RGMB: variants seen among roughly 807,000 people sequenced by gnomAD.
RGMB encodes the protein repulsive guidance molecule B.
In RGMB, 16 loss-of-function variants were observed where a neutral mutation model predicts 26.9. The ratio of observed to expected loss-of-function variants is 0.60; its 90% CI spans 0.40 to 0.90. The LOEUF (loss-of-function observed/expected upper bound fraction) is 0.90. Among genes scored for constraint, RGMB ranks in the 40% least tolerant of loss-of-function variants. The pLI is 0.00. For synonymous variants in RGMB, 225 were observed against 229.3 expected, an observed-to-expected ratio of 0.98 and a Z score of 0.17; for missense variants, 512 against 573.3, an observed-to-expected ratio of 0.89 and a Z score of 1.09.
chr5:98,776,017 A>G (rs545329151), intron 1 of RGMB, among the ~76,000 whole-genome samples: 72 of 152,344 alleles, frequency 4.7e-4, no homozygotes, highest in African/African-American at 1.6e-3. Flanking sequence ...GATCCTTATC[A>G]TCTGCCTCAG....
rs201453512 is a variant in RGMB at position 98,775,807 on chromosome 5, G to A, written c.136+1601G>A. 3.9e-5 allele frequency among the ~76,000 whole-genome samples: 6 copies of A among 152,210 alleles called. No individual in the cohort carries two copies. The East Asian group carries it at 7.7e-4, about 19-fold the overall frequency. On this transcript the variant is annotated intron_variant, in intron 1 of 2. Transcript: ENST00000513185. The stretch of plus-strand genomic sequence containing the variant: ...CTCATTTAAGTCACCATTAGATTCA[G>A]CCCAACAATGTGGTAAGCGATTTCT...
At chr5:98,792,771 TAAAAAAAAAAAAA>T (rs5869833) in intron 2 of RGMB, 6 of 122,006 alleles carry the variant, frequency 4.9e-5, no homozygotes, top group Non-Finnish European at 8.4e-5. Flanking sequence ...CCCTGTCACT[TAAAAAAAAAAAAA>T]AAAAAAAACC....
intron 2 of RGMB, among the ~76,000 whole-genome samples, chr5:98,782,249 T>TAGTATGAC (rs1286777881): frequency 6.6e-6 from 1 of 152,200 alleles, no homozygotes; most frequent in African/African-American, 2.4e-5. Flanking sequence ...GTCTCAATAC[T>TAGTATGAC]AGTATGACGT....
At chr5:98,779,431 A>G (rs1039827888) in intron 1 of RGMB, 149 bp from the exon 2 acceptor site, 4 of 706,648 alleles carry the variant, frequency 5.7e-6, no homozygotes, top group African/African-American at 5.4e-5. Context: ...CAGGAACACA[A>G]TGAAACCCTG....
At position 98,793,228 on chromosome 5, in the gene RGMB, G is replaced by A; in HGVS notation, c.789G>A (p.Arg263=). 1 of 1,614,026 alleles carries A rather than the reference G, an allele frequency of 6.2e-7. No individual in the cohort carries two copies. The highest frequency in any genetic ancestry group is 8.5e-7 in the Non-Finnish European group (1 of 1,179,902). ...SDAKSLRIVE[R]ESGHYVEMHA... ...CCAAGAGCCTGCGTATCGTGGAAAG[G>A]GAGAGTGGCCACTATGTGGAGATGC... Residue 263 remains arginine (R), a synonymous_variant, in exon 3 of 3, where the codon AGG becomes AGA. Transcript: ENST00000513185.
intron 2 of RGMB, chr5:98,780,332 G>A (rs1746556884): frequency 2.3e-6 from 1 of 433,658 alleles, no homozygotes; most frequent in Non-Finnish European, 4.0e-6. Flanking sequence ...CAGTGAAATT[G>A]AGTTCTCCAG....
At chr5:98,786,953 A>T (rs1380096368) in intron 2 of RGMB, among the ~76,000 whole-genome samples, 1 of 152,180 alleles carries the variant, frequency 6.6e-6, no homozygotes, top group African/African-American at 2.4e-5. Flanking sequence ...CACAGCATGT[A>T]TACTGTGAAT....
chr5:98,770,870 C>G (rs1444020126), upstream of RGMB: 1 of 406,784 alleles, frequency 2.5e-6, no homozygotes, highest in African/African-American at 2.1e-5. Flanking sequence ...CGGGCTATTT[C>G]AGCCGCTGCT....
upstream of RGMB, chr5:98,770,674 G>GT: frequency 6.8e-7 from 1 of 1,464,308 alleles, no homozygotes; most frequent in South Asian, 1.5e-5. Flanking sequence ...TAAGAATGAT[G>GT]TAAGTACAGG....
chr5:98,789,864 A>G (rs2545729), intron 2 of RGMB, among the ~76,000 whole-genome samples: 35,038 of 152,168 alleles, frequency 0.23, 5,463 homozygotes, highest in African/African-American at 0.44. Context: ...AGCATAGCTA[A>G]CGTTTTTAAA....
intron 1 of RGMB, among the ~76,000 whole-genome samples, chr5:98,777,498 G>C (rs1246184679): frequency 6.6e-6 from 1 of 152,158 alleles, no homozygotes; most frequent in African/African-American, 2.4e-5. Context: ...GAGGAGACGT[G>C]ACCTGTGATG....
chr5:98,790,252 T>C (rs1048162394), intron 2 of RGMB, among the ~76,000 whole-genome samples: 4 of 152,226 alleles, frequency 2.6e-5, no homozygotes, highest in African/African-American at 9.6e-5. Flanking sequence ...GGAAACCCAC[T>C]CATGCTTTAC....
Position 98,795,694 on chromosome 5 carries a change from T to C in RGMB, c.*1941T>C, listed in dbSNP as rs138500581. 4.6e-5 allele frequency: 7 copies of C among 152,330 alleles called. No individual in the cohort carries two copies. The highest frequency in any genetic ancestry group is 3.9e-4 in the Admixed American group (6 of 15,304). The allele number at this position is 152,330 out of a possible 1,614,324, so 9.4% of individuals were successfully genotyped here. On this transcript the variant is annotated 3_prime_UTR_variant, in exon 3 of 3. Coordinates refer to ENST00000513185, the MANE Select transcript of RGMB (RefSeq NM_001366508.1). ...AACTGTGGCTTTTTTTGTTCACCTATGATGCCATGTACCAAATTCAGAAGC... is the reference window on the plus strand; with the variant it reads ...AACTGTGGCTTTTTTTGTTCACCTACGATGCCATGTACCAAATTCAGAAGC...
At chr5:98,777,829 T>G (rs1181209281) in intron 1 of RGMB, among the ~76,000 whole-genome samples, 1 of 152,206 alleles carries the variant, frequency 6.6e-6, no homozygotes, top group Non-Finnish European at 1.5e-5. Context: ...ACTTTTTTTT[T>G]GAAAGTATGA....
In RGMB at chr5:98,773,866, C is replaced by CGCT. The variant is rs1746272968; in HGVS notation, c.-199_-197dup. 2.0e-6 allele frequency: 1 copy of CGCT among 502,650 alleles called. No individual in the cohort carries two copies. The highest frequency in any genetic ancestry group is 3.1e-5 in the South Asian group (1 of 32,470). The allele number at this position is 502,650 out of a possible 1,614,324, so 31.1% of individuals were successfully genotyped here. ...CGGCCGCCACGATGCCCCTGCGCCC[C>CGCT]GCTGCTGCCGCCGCGGACTGGCTGC... On this transcript the variant is annotated 5_prime_UTR_variant, in exon 1 of 3. Coordinates refer to ENST00000513185, the MANE Select transcript of RGMB (RefSeq NM_001366508.1).
At chr5:98,769,112 A>G (rs1333345871), upstream of RGMB, among the ~76,000 whole-genome samples, 2 of 151,932 alleles carry the variant, frequency 1.3e-5, no homozygotes, top group African/African-American at 4.8e-5. Context: ...TGCAAGATTG[A>G]GTGTGGTGGG....
chr5:98,770,716 T>A, upstream of RGMB: 1 of 1,271,314 alleles, frequency 7.9e-7, no homozygotes, highest in Non-Finnish European at 1.0e-6. Context: ...CGCTTGGCCC[T>A]CTTCCAAGTT....
chr5:98,774,587 C>T (rs1278184326), intron 1 of RGMB, among the ~76,000 whole-genome samples: 1 of 152,218 alleles, frequency 6.6e-6, no homozygotes, highest in Non-Finnish European at 1.5e-5. Context: ...CAGGTTTCCG[C>T]CGTCGCAGCC....
At chr5:98,777,599 C>G (rs920233374) in intron 1 of RGMB, among the ~76,000 whole-genome samples, 1 of 152,160 alleles carries the variant, frequency 6.6e-6, no homozygotes, top group Non-Finnish European at 1.5e-5. Context: ...CCTTTAATAT[C>G]CCTTTGCCTT....
Sources: allele counts gnomAD v4.1 joint callset (sites outside exome capture counted in the v4.1 genomes callset), GRCh38; gene constraint gnomAD v4.1.1; transcripts MANE v1.5; gene names NCBI Gene and HGNC (gene_info 2026-07-23, HGNC 2026-07-21).